AGAP1: variants seen among roughly 807,000 people sequenced by gnomAD.
The protein encoded by AGAP1 is ArfGAP with GTPase domain, ankyrin repeat and PH domain 1, also known as arf-GAP with GTPase, ANK repeat and PH domain-containing protein 1.
Under a neutral mutation model 105.3 loss-of-function variants are expected in AGAP1, and 29 were observed. The observed-to-expected ratio is 0.28, with a 90% CI of 0.21 to 0.38. The LOEUF is 0.38. AGAP1 is among the 10% of genes least tolerant of loss of function. AGAP1 has a pLI of 1.00. For missense variants in AGAP1, 998 were observed against 1,165.1 expected (o/e 0.86, Z 2.09); for synonymous variants, 509 against 485.9 (o/e 1.05, Z -0.63).
At chr2:235,645,337 A>G (rs1255149539) in intron 1 of AGAP1, among the ~76,000 whole-genome samples, 1 of 152,210 alleles carries the variant, frequency 6.6e-6, no homozygotes, top group Non-Finnish European at 1.5e-5. Context: ...GCTCTGGAAG[A>G]TGGATTTAGC....
At position 236,095,789 on chromosome 2, in the gene AGAP1, A is replaced by G. The variant is rs1443026265; in HGVS notation, c.2115-24403A>G. Among the ~76,000 whole-genome samples the G allele has an allele frequency of 1.3e-5, 2 of 152,226 alleles. No individual in the cohort carries two copies. Among genetic ancestry groups the G allele is most frequent in the Non-Finnish European group, 2.9e-5 (2 of 68,032 alleles). Reference sequence around the variant, plus strand: ...TCAGGGCTAGATTATGGATAGTTGCACAGAGATAGTCCCTAAGAGCTGGCC... The same window carrying G: ...TCAGGGCTAGATTATGGATAGTTGCGCAGAGATAGTCCCTAAGAGCTGGCC... On this transcript the variant is annotated intron_variant, in intron 16 of 17. Coordinates refer to ENST00000304032, the MANE Select transcript of AGAP1 (RefSeq NM_001037131.3). The surrounding 1 kb of genome is among the most constrained non-coding windows in gnomAD (Gnocchi z 4.1).
rs147629424 is a variant in AGAP1, at chr2:235,745,306, C to T, written c.538+467C>T. Among the ~76,000 whole-genome samples the T allele has an allele frequency of 4.3e-3, 660 of 152,134 alleles. 2 individuals carry two copies. The highest frequency in any genetic ancestry group is 0.013 in the African/African-American group (555 of 41,498). ...CTGTTTATTAAGTTCTGTTTGTCAC[C>T]GTCTTATGATCTGTATCTTATTTTT... On this transcript the variant is annotated intron_variant, in intron 5 of 17. Coordinates refer to ENST00000304032, the MANE Select transcript of AGAP1 (RefSeq NM_001037131.3).
At chr2:235,579,602 C>T (rs1442773066) in intron 1 of AGAP1, among the ~76,000 whole-genome samples, 1 of 151,964 alleles carries the variant, frequency 6.6e-6, no homozygotes, top group Non-Finnish European at 1.5e-5. Flanking sequence ...AGTGAAACCC[C>T]GTCTCTACTA....
At chr2:235,589,832 A>AGT (rs1380980039) in intron 1 of AGAP1, among the ~76,000 whole-genome samples, 1 of 151,898 alleles carries the variant, frequency 6.6e-6, no homozygotes, top group East Asian at 1.9e-4. Context: ...AGAGAGAGAG[A>AGT]GAGAGAGGCT....
chr2:235,645,056 C>T lies in AGAP1; in HGVS notation c.164-64123C>T, dbSNP rs566797931. On this transcript the variant is annotated intron_variant, in intron 1 of 17. Coordinates refer to ENST00000304032, the MANE Select transcript of AGAP1 (RefSeq NM_001037131.3). ...GATTACAGGTGCCTGCCACCATGCCCGGCTAATTTTTGTATTTTTAGTAGA... is the reference window on the plus strand; with the variant it reads ...GATTACAGGTGCCTGCCACCATGCCTGGCTAATTTTTGTATTTTTAGTAGA... Among the ~76,000 whole-genome samples, 401 of 152,180 alleles carry T rather than the reference C, an allele frequency of 2.6e-3. 1 individual carries two copies. The highest frequency in any genetic ancestry group is 8.5e-3 in the African/African-American group (354 of 41,514).
intron 16 of AGAP1, among the ~76,000 whole-genome samples, chr2:236,064,877 G>T (rs1256584074): frequency 1.3e-5 from 2 of 152,180 alleles, no homozygotes; most frequent in African/African-American, 4.8e-5. Context: ...ATGAAAACAA[G>T]AATAATCACC....
At chr2:235,661,123 C>T (rs577910501) in intron 1 of AGAP1, among the ~76,000 whole-genome samples, 34 of 152,034 alleles carry the variant, frequency 2.2e-4, no homozygotes, top group African/African-American at 6.8e-4. Flanking sequence ...TCAGCAAGGA[C>T]GTGTGTGCTG....
At chr2:235,952,348 T>G (rs957138398) in intron 12 of AGAP1, among the ~76,000 whole-genome samples, 4 of 150,172 alleles carry the variant, frequency 2.7e-5, no homozygotes, top group African/African-American at 1.0e-4. Context: ...AGTTATAACA[T>G]AGGTTTTAAA....
chr2:235,836,505 G>A (rs1485558436), intron 9 of AGAP1, among the ~76,000 whole-genome samples: 1 of 152,210 alleles, frequency 6.6e-6, no homozygotes, highest in Non-Finnish European at 1.5e-5. Context: ...AGTCACTTAA[G>A]TACAGGTTCA....
Position 235,968,568 on chromosome 2 carries a change from A to C in AGAP1, c.1590A>C (p.Arg530=). 2 of 1,355,274 alleles carry C rather than the reference A, an allele frequency of 1.5e-6. No homozygotes were observed. The highest frequency in any genetic ancestry group is 2.3e-5 in the South Asian group (2 of 86,782). 84.0% of individuals were successfully genotyped at this position (1,355,274 alleles called of 1,614,324 possible). ...CTCACGCCAACAGAAAGAAGCACCG[A>C]AGGAAGAAAAGCACTAGCAACTTCA... The part of the protein sequence containing the change: ...PSPHANRKKH[R]RKKSTSNFKA... The change falls in exon 13 of 18, where the codon CGA becomes CGC. Residue 530 remains arginine, a synonymous_variant. Transcript: ENST00000304032.
intron 1 of AGAP1, among the ~76,000 whole-genome samples, chr2:235,580,804 A>G (rs867664295): frequency 6.6e-6 from 1 of 152,198 alleles, no homozygotes; most frequent in Non-Finnish European, 1.5e-5. Context: ...AGAGAAAAAA[A>G]TCTAGAGAGG....
At chr2:235,711,264 G>A (rs760662787) in intron 2 of AGAP1, among the ~76,000 whole-genome samples, 6 of 152,224 alleles carry the variant, frequency 3.9e-5, no homozygotes, top group South Asian at 4.1e-4. Context: ...CAGGGCCAGC[G>A]GCCACCCTAC....
chr2:235,555,861 G>A lies in AGAP1; in HGVS notation c.163+61012G>A, dbSNP rs1376392112. Among the ~76,000 whole-genome samples, 4 of 152,184 alleles carry A rather than the reference G, an allele frequency of 2.6e-5. No homozygotes were observed. The highest frequency in any genetic ancestry group is 1.9e-4 in the East Asian group (1 of 5,194). On this transcript the variant is annotated intron_variant, in intron 1 of 17. Coordinates refer to ENST00000304032, the MANE Select transcript of AGAP1 (RefSeq NM_001037131.3). The surrounding 1 kb of genome is among the most constrained non-coding windows in gnomAD (Gnocchi z 5.1). Reference sequence around the variant, plus strand: ...ATGTGTGTGAGGCCTGAGTTTGCAGGTTTGTGCAGGGCATTGATTGGTTGG... The same window carrying A: ...ATGTGTGTGAGGCCTGAGTTTGCAGATTTGTGCAGGGCATTGATTGGTTGG...
In AGAP1 at chr2:235,609,681, C is replaced by G. The variant is rs565782687; in HGVS notation, c.164-99498C>G. On this transcript the variant is annotated intron_variant, in intron 1 of 17. Transcript: ENST00000304032. The surrounding 1 kb of genome is among the most constrained non-coding windows in gnomAD (Gnocchi z 5.1). ...GGGAGCATCCTTATGGTAAACGTCC[C>G]TGGTTCTGTACCGGAGGAACAGGAG... is the stretch of plus-strand genomic sequence containing the variant. Among the ~76,000 whole-genome samples, 1 of 152,214 alleles carries G rather than the reference C, an allele frequency of 6.6e-6. No individual in the cohort carries two copies. Among genetic ancestry groups the G allele is most frequent in the African/African-American group, 2.4e-5 (1 of 41,544 alleles).
rs2059938045 is a variant in AGAP1 at position 236,123,054 on chromosome 2, T to C, written c.2371-865T>C. ...GAATTCTGTTCATGTGGTGGAATAC[T>C]GTATGACTTGCATATGTCATGCTTT... On this transcript the variant is annotated intron_variant, in intron 17 of 17. Coordinates refer to ENST00000304032, the MANE Select transcript of AGAP1 (RefSeq NM_001037131.3). This position sits in a 1 kb window ranked among gnomAD's most constrained non-coding sequence, Gnocchi z 4.6. Among the ~76,000 whole-genome samples the C allele has an allele frequency of 6.6e-6, 1 of 151,950 alleles. No individual in the cohort carries two copies. Among genetic ancestry groups the C allele is most frequent in the South Asian group, 2.1e-4 (1 of 4,810 alleles).
At position 235,600,743 on chromosome 2, in the gene AGAP1, G is replaced by A. The variant is rs1945701789; in HGVS notation, c.163+105894G>A. Among the ~76,000 whole-genome samples the A allele has an allele frequency of 6.6e-6, 1 of 152,124 alleles. No homozygotes were observed. The highest frequency in any genetic ancestry group is 1.5e-5 in the Non-Finnish European group (1 of 68,034). ...GCCTGCTTTATATTTGCTGGCAGCT[G>A]ATTAAATGATGCCCACCCAGATTGA... On this transcript the variant is annotated intron_variant, in intron 1 of 17. Transcript: ENST00000304032. The surrounding 1 kb of genome is among the most constrained non-coding windows in gnomAD (Gnocchi z 4.8).
chr2:235,706,780 T>C (rs982966200), intron 1 of AGAP1, among the ~76,000 whole-genome samples: 8 of 152,222 alleles, frequency 5.3e-5, no homozygotes, highest in Non-Finnish European at 1.0e-4. Flanking sequence ...CCAGACACTA[T>C]TGGGGCCTGC....
intron 1 of AGAP1, among the ~76,000 whole-genome samples, chr2:235,501,060 A>G (rs1941541266): frequency 6.6e-6 from 1 of 152,146 alleles, no homozygotes; most frequent in African/African-American, 2.4e-5. Context: ...TGTTCCTCAT[A>G]GATAAGGAAT....
intron 9 of AGAP1, among the ~76,000 whole-genome samples, chr2:235,861,960 C>T (rs934634867): frequency 4.6e-5 from 7 of 152,178 alleles, no homozygotes; most frequent in African/African-American, 7.2e-5. Flanking sequence ...GACCCTGCCC[C>T]GTGGGGTTCC....
Sources: allele counts gnomAD v4.1 joint callset (sites outside exome capture counted in the v4.1 genomes callset), GRCh38; gene constraint gnomAD v4.1.1; non-coding constraint Gnocchi (gnomAD v3.1); transcripts MANE v1.5; gene names NCBI Gene and HGNC (gene_info 2026-07-23, HGNC 2026-07-21).